SAMD12: variants seen among roughly 807,000 people sequenced by gnomAD.
SAMD12 encodes sterile alpha motif domain containing 12, also known as sterile alpha motif domain-containing protein 12.
Under a neutral mutation model 15.0 loss-of-function variants are expected in SAMD12, and 9 were observed. The observed-to-expected ratio is 0.60, with a 90% confidence interval of 0.36 to 1.05. SAMD12 has a LOEUF of 1.05. SAMD12 is among the 50% of genes least tolerant of loss of function. The pLI is 0.01. For synonymous variants in SAMD12, 86 were observed against 90.1 expected, an observed-to-expected ratio of 0.96 and a Z score of 0.25; for missense variants, 230 against 234.2, an observed-to-expected ratio of 0.98 and a Z score of 0.12.
chr8:118,371,783 A>C (rs182532099), intron 4 of SAMD12, among the ~76,000 whole-genome samples: 39 of 152,284 alleles, frequency 2.6e-4, no homozygotes, highest in Admixed American at 5.9e-4. Flanking sequence ...GGGATGCTTA[A>C]GCGGTAGAGG....
At chr8:118,241,309 A>G (rs970517176) in intron 4 of SAMD12, among the ~76,000 whole-genome samples, 1 of 152,102 alleles carries the variant, frequency 6.6e-6, no homozygotes, top group Non-Finnish European at 1.5e-5. Flanking sequence ...CTTGAAAACC[A>G]TAAATTATCT....
chr8:118,560,451 C>T (rs1826671163), intron 2 of SAMD12, among the ~76,000 whole-genome samples: 1 of 152,126 alleles, frequency 6.6e-6, no homozygotes, highest in Non-Finnish European at 1.5e-5. Flanking sequence ...TTTGGATTTA[C>T]TAAGAGTCAG....
intron 2 of SAMD12, among the ~76,000 whole-genome samples, chr8:118,562,319 T>C (rs913311612): frequency 5.9e-5 from 9 of 152,112 alleles, no homozygotes; most frequent in African/African-American, 2.2e-4. Context: ...CGGCTGTCAC[T>C]GGCATCAAGA....
intron 4 of SAMD12, among the ~76,000 whole-genome samples, chr8:118,260,848 C>G (rs1813061287): frequency 6.6e-6 from 1 of 152,240 alleles, no homozygotes; most frequent in South Asian, 2.1e-4. Flanking sequence ...CAGCTCCCCG[C>G]TGTTATGACC....
intron 2 of SAMD12, among the ~76,000 whole-genome samples, chr8:118,447,850 C>T (rs149780536): frequency 0.014 from 2,090 of 151,778 alleles, 51 homozygotes; most frequent in African/African-American, 0.048. Flanking sequence ...CTAAGCCTCC[C>T]GAGTAGCTGG....
chr8:118,270,873 C>T (rs1356957633), intron 4 of SAMD12, among the ~76,000 whole-genome samples: 1 of 152,080 alleles, frequency 6.6e-6, no homozygotes, highest in African/African-American at 2.4e-5. Flanking sequence ...AAATAACAAA[C>T]AAGCATAAAG....
chr8:118,253,338 A>G (rs1441359144), intron 4 of SAMD12, among the ~76,000 whole-genome samples: 2 of 152,290 alleles, frequency 1.3e-5, no homozygotes, highest in African/African-American at 4.8e-5. Flanking sequence ...CTTACTACCA[A>G]AATGGGAATA....
At chr8:118,566,296 G>C (rs892480304) in intron 2 of SAMD12, among the ~76,000 whole-genome samples, 4 of 152,038 alleles carry the variant, frequency 2.6e-5, no homozygotes, top group Non-Finnish European at 4.4e-5. Flanking sequence ...TTTTGGTTTC[G>C]TCTCAGAAAA....
At chr8:118,311,792 C>A (rs754010461) in intron 4 of SAMD12, among the ~76,000 whole-genome samples, 1 of 152,146 alleles carries the variant, frequency 6.6e-6, no homozygotes, top group Admixed American at 6.5e-5. Flanking sequence ...GAAAAGCTAC[C>A]CTTTCACTTG....
intron 2 of SAMD12, among the ~76,000 whole-genome samples, chr8:118,545,375 G>A (rs1010641579): frequency 2.6e-5 from 4 of 152,172 alleles, no homozygotes; most frequent in Non-Finnish European, 5.9e-5. Flanking sequence ...GCTGAGGCAG[G>A]AGAATCGCTT....
intron 4 of SAMD12, among the ~76,000 whole-genome samples, chr8:118,249,436 GT>G (rs1812770900): frequency 6.6e-6 from 1 of 152,062 alleles, no homozygotes; most frequent in Admixed American, 6.6e-5. Flanking sequence ...GCAAATTCAA[GT>G]TTTGATCTTT....
intron 2 of SAMD12, among the ~76,000 whole-genome samples, chr8:118,491,089 T>C (rs2515019): frequency 0.45 from 67,657 of 151,952 alleles, 15,503 homozygotes; most frequent in East Asian, 0.63. Context: ...CCCAGACTGG[T>C]GCCTGTCCAC....
chr8:118,621,935 C>T lies in SAMD12; in HGVS notation c.-119G>A, dbSNP rs1458593567. 2.4e-6 allele frequency: 3 copies of T among 1,236,754 alleles called. No homozygotes were observed. In the African/African-American group the frequency reaches 4.4e-5, roughly 18 times the overall value. The allele number at this position is 1,236,754 out of a possible 1,614,324, so 76.6% of individuals were successfully genotyped here. A position where few individuals can be genotyped will look rare whatever the true frequency, so the allele number is the denominator to read the frequency against. Reference sequence around the variant, plus strand: ...ATTCTGCGCTTATCTGCTCCAGGACCAACCTGCCGCGGTCACGCAAAGCGA... The same window carrying T: ...ATTCTGCGCTTATCTGCTCCAGGACTAACCTGCCGCGGTCACGCAAAGCGA... On this transcript the variant is annotated 5_prime_UTR_variant, in exon 1 of 4. Coordinates refer to ENST00000314727, the MANE Select transcript of SAMD12 (RefSeq NM_207506.3).
intron 2 of SAMD12, among the ~76,000 whole-genome samples, chr8:118,454,886 A>G (rs1335483280): frequency 2.0e-5 from 3 of 152,170 alleles, no homozygotes; most frequent in Non-Finnish European, 4.4e-5. Context: ...GATTCAGGCC[A>G]TTCTGTCTTT....
At chr8:118,262,722 G>T (rs1211448709) in intron 4 of SAMD12, among the ~76,000 whole-genome samples, 1 of 151,992 alleles carries the variant, frequency 6.6e-6, no homozygotes. Context: ...TCTTCCTGGG[G>T]TACAAAATAG....
At chr8:118,530,785 T>C (rs1474441936) in intron 2 of SAMD12, among the ~76,000 whole-genome samples, 1 of 152,220 alleles carries the variant, frequency 6.6e-6, no homozygotes, top group Non-Finnish European at 1.5e-5. Flanking sequence ...CAGGCCAATA[T>C]CTAGATGAGC....
At chr8:118,239,197 A>G (rs1812508893) in intron 4 of SAMD12, among the ~76,000 whole-genome samples, 1 of 152,124 alleles carries the variant, frequency 6.6e-6, no homozygotes, top group Non-Finnish European at 1.5e-5. Context: ...TCAACCATGG[A>G]TCACCTAGTA....
intron 4 of SAMD12, among the ~76,000 whole-genome samples, chr8:118,286,960 C>T (rs767410188): frequency 3.3e-5 from 5 of 152,308 alleles, no homozygotes; most frequent in Middle Eastern, 3.4e-3. Flanking sequence ...AAGCACCTCA[C>T]TCATTCCTGC....
intron 4 of SAMD12, among the ~76,000 whole-genome samples, chr8:118,247,973 A>C (rs1181077736): frequency 6.6e-6 from 1 of 152,196 alleles, no homozygotes; most frequent in Non-Finnish European, 1.5e-5. Context: ...ATTCATGCTC[A>C]GTCACTATGC....
Sources: gnomAD v4.1 joint callset for allele counts (sites outside exome capture counted in the v4.1 genomes callset) on GRCh38, gnomAD v4.1.1 for gene constraint, MANE v1.5 for transcripts, NCBI Gene and HGNC (gene_info 2026-07-23, HGNC 2026-07-21) for gene names.